The following TAB3 variants were observed in gnomAD, a reference collection of about 807,000 sequenced individuals.
TAB3 encodes TGF-beta activated kinase 1 (MAP3K7) binding protein 3, also known as TGF-beta-activated kinase 1 and MAP3K7-binding protein 3.
A neutral mutation model predicts 48.1 loss-of-function variants in TAB3; 18 were observed. The observed-to-expected ratio is 0.37, with a 90% confidence interval of 0.26 to 0.55. The LOEUF (loss-of-function observed/expected upper bound fraction) is 0.55, where lower values mean the gene tolerates loss of function less well. TAB3 is among the 20% of genes least tolerant of loss of function. The pLI is 0.78. For synonymous variants in TAB3, 185 were observed against 190.2 expected (o/e 0.97, Z 0.22); for missense variants, 414 against 549.8 (o/e 0.75, Z 2.47).
intron 5 of TAB3, among the ~76,000 whole-genome samples, chrX:30,855,986 CAT>C (rs1488247682): frequency 8.9e-6 from 1 of 111,778 alleles, no homozygotes; most frequent in African/African-American, 3.2e-5. Context: ...TGATAAAAAA[CAT>C]AAAAATAACC....
intron 8 of TAB3, 39 bp from the exon 9 acceptor site, chrX:30,843,088 T>C (rs1341512789): frequency 9.0e-6 from 7 of 779,582 alleles, no homozygotes; most frequent in African/African-American, 2.2e-5. Flanking sequence ...TTAAGAACTC[T>C]TTTTTCCTGT....
intron 5 of TAB3, among the ~76,000 whole-genome samples, chrX:30,858,838 T>G (rs1364092108): frequency 8.9e-6 from 1 of 111,835 alleles, no homozygotes; most frequent in Non-Finnish European, 1.9e-5. Flanking sequence ...GAGATGAGAT[T>G]TAATTCAATG....
In TAB3 at chrX:30,846,572, CTTCT is replaced by C; in HGVS notation, c.1779_1782del (p.Glu594LeufsTer15). ...ATACCTCTAGATTGAAGGAGGTCAACTTCTTTCAGTGTACAGTCAACATTTATCT... is the reference window on the plus strand; with the variant it reads ...ATACCTCTAGATTGAAGGAGGTCAACTTCAGTGTACAGTCAACATTTATCT... On this transcript the variant is annotated frameshift_variant, in exon 8 of 11. Transcript: ENST00000288422. LOFTEE classifies it high-confidence loss of function. 8.3e-7 allele frequency: 1 copy of C among 1,200,630 alleles called. No homozygotes were observed.
chrX:30,883,134 T>C (rs1266367436), intron 1 of TAB3, among the ~76,000 whole-genome samples: 1 of 110,320 alleles, frequency 9.1e-6, no homozygotes, highest in African/African-American at 3.3e-5. Context: ...AAAAATAAAA[T>C]AAACCCCCCT....
intron 7 of TAB3, among the ~76,000 whole-genome samples, chrX:30,851,172 ACTT>A (rs1938833166): frequency 8.9e-6 from 1 of 112,241 alleles, no homozygotes; most frequent in Non-Finnish European, 1.9e-5. Flanking sequence ...CTTCCTCCTC[ACTT>A]CTAATATTGA....
intron 1 of TAB3, among the ~76,000 whole-genome samples, chrX:30,881,220 A>AG (rs752635805): frequency 9.1e-6 from 1 of 110,201 alleles, no homozygotes; most frequent in African/African-American, 3.3e-5. Context: ...ATGGGGGTGG[A>AG]GGGGGGTAAG....
intron 5 of TAB3, 120 bp from the exon 6 acceptor site, chrX:30,855,682 T>A (rs1315018012): frequency 3.4e-5 from 24 of 708,637 alleles, no homozygotes; most frequent in Non-Finnish European, 4.8e-5. Flanking sequence ...GAGAGCAGTA[T>A]TTTAACCACA....
intron 4 of TAB3, among the ~76,000 whole-genome samples, chrX:30,864,972 C>T (rs1225674210): frequency 8.9e-6 from 1 of 111,866 alleles, no homozygotes; most frequent in Non-Finnish European, 1.9e-5. Context: ...AGTTCCTATA[C>T]TCCGTAGCTG....
intron 1 of TAB3, among the ~76,000 whole-genome samples, chrX:30,878,382 C>T (rs770250169): frequency 2.8e-5 from 3 of 108,932 alleles, no homozygotes; most frequent in Non-Finnish European, 5.7e-5. Context: ...TGCCTGTAGC[C>T]CCAGTTACAT....
intron 9 of TAB3, among the ~76,000 whole-genome samples, chrX:30,838,108 T>A (rs775745087): frequency 9.0e-6 from 1 of 111,116 alleles, no homozygotes; most frequent in Non-Finnish European, 1.9e-5. Flanking sequence ...AGTCTAAGAC[T>A]TTTTTTTCCT....
At chrX:30,873,121 TC>T (rs767899229) in intron 1 of TAB3, among the ~76,000 whole-genome samples, 3 of 111,653 alleles carry the variant, frequency 2.7e-5, no homozygotes, top group Non-Finnish European at 5.7e-5. Flanking sequence ...AAACCAACTA[TC>T]AAAAAACGAA....
chrX:30,845,435 A>C (rs1938593381), intron 8 of TAB3: 1 of 112,201 alleles, frequency 8.9e-6, no homozygotes, highest in South Asian at 3.7e-4. Context: ...GAGGTTGGCA[A>C]ACCTTTTCTG....
Position 30,830,096 on chromosome X carries a change from A to G in TAB3, c.*1331T>C, listed in dbSNP as rs916203352. 9.0e-6 allele frequency: 1 copy of G among 111,592 alleles called. No homozygotes were observed. The highest frequency in any genetic ancestry group is 9.6e-5 in the Admixed American group (1 of 10,446). The allele number at this position is 111,592 out of a possible 1,213,427, so 9.2% of individuals were successfully genotyped here. The stretch of plus-strand genomic sequence containing the variant: ...GCACCCTAGTGAGTCACATGACTTT[A>G]TATCTCTTATCCGCACCCTGAAGTT... On this transcript the variant is annotated 3_prime_UTR_variant, in exon 11 of 11. Transcript: ENST00000288422.
At chrX:30,840,685 TC>T (rs1383023713) in intron 9 of TAB3, among the ~76,000 whole-genome samples, 1 of 111,314 alleles carries the variant, frequency 9.0e-6, no homozygotes, top group Admixed American at 9.6e-5. Flanking sequence ...GACCTGCTCC[TC>T]CTTGCCTTCT....
In TAB3 at chrX:30,846,556, G is replaced by A; in HGVS notation, c.1799C>T (p.Ser600Phe). The A allele has an allele frequency of 8.4e-7, 1 of 1,185,567 alleles. No individual in the cohort carries two copies. Among genetic ancestry groups the A allele is most frequent in the Non-Finnish European group, 1.1e-6 (1 of 874,787 alleles). The change falls in exon 8 of 11, where the codon TCT (serine) becomes TTT (phenylalanine). Residue 600 changes from serine to phenylalanine, a missense_variant. Physicochemically the swap from Ser to Phe is radical, Grantham distance 155. Coordinates refer to ENST00000288422, the MANE Select transcript of TAB3 (RefSeq NM_152787.5). ...CTLKEVDLLQ[S>F]RGNFDPKAMN... ...CCAAATAATCAAGTCTATACCTCTA[G>A]ATTGAAGGAGGTCAACTTCTTTCAG...
chrX:30,863,694 T>C (rs1048939311), intron 4 of TAB3, among the ~76,000 whole-genome samples: 1 of 112,528 alleles, frequency 8.9e-6, no homozygotes, highest in Non-Finnish European at 1.9e-5. Context: ...GGGCAGATAT[T>C]GGTGCCATGC....
chrX:30,856,795 C>T (rs1364465704), intron 5 of TAB3, among the ~76,000 whole-genome samples: 6 of 111,399 alleles, frequency 5.4e-5, no homozygotes, highest in African/African-American at 2.0e-4. Flanking sequence ...TCCAATTCAA[C>T]GCACATTTAC....
chrX:30,859,391 C>CACACACACACACACACACAA (rs1555941718), intron 5 of TAB3, 96 bp downstream of exon 5: 2 of 634,289 alleles, frequency 3.2e-6, no homozygotes, highest in Non-Finnish European at 5.0e-6. Context: ...CACACACACA[C>CACACACACACACACACACAA]AAGAAAACAT....
intron 4 of TAB3, among the ~76,000 whole-genome samples, chrX:30,860,585 T>C (rs1939222145): frequency 9.0e-6 from 1 of 111,136 alleles, no homozygotes; most frequent in Admixed American, 9.6e-5. Context: ...CATGAGGAAA[T>C]AGAACATTTC....
Sources: allele counts gnomAD v4.1 joint callset (sites outside exome capture counted in the v4.1 genomes callset), GRCh38; gene constraint gnomAD v4.1.1; transcripts MANE v1.5; gene names NCBI Gene and HGNC (gene_info 2026-07-23, HGNC 2026-07-21).